Variants in FARS2 observed in about 807,000 individuals in gnomAD.
FARS2 encodes the protein phenylalanine--tRNA ligase, mitochondrial.
FARS2 carries 40 observed loss-of-function variants against 46.4 expected under a neutral mutation model. That is an observed-to-expected ratio of 0.86 (90% CI 0.67 to 1.12). FARS2 has a LOEUF of 1.12. Among genes scored for constraint, FARS2 ranks in the 50% most tolerant of loss-of-function variants. The pLI is 0.00. For synonymous variants in FARS2, 234 were observed against 214.9 expected, an observed-to-expected ratio of 1.09 and a Z score of -0.78; for missense variants, 513 against 567.9, an observed-to-expected ratio of 0.90 and a Z score of 0.98.
At chr6:5,344,133 C>T (rs1367553220) in intron 1 of FARS2, among the ~76,000 whole-genome samples, 1 of 152,168 alleles carries the variant, frequency 6.6e-6, no homozygotes, top group Non-Finnish European at 1.5e-5. Flanking sequence ...AGCAAGTGGC[C>T]TCCAGGTCCA....
At chr6:5,512,355 C>T (rs1337228937) in intron 4 of FARS2, among the ~76,000 whole-genome samples, 1 of 152,004 alleles carries the variant, frequency 6.6e-6, no homozygotes, top group East Asian at 1.9e-4. Flanking sequence ...CAATCAATAG[C>T]AGCCAAATTA....
At chr6:5,478,229 A>C (rs976098111) in intron 4 of FARS2, among the ~76,000 whole-genome samples, 2 of 152,234 alleles carry the variant, frequency 1.3e-5, no homozygotes, top group South Asian at 4.1e-4. Context: ...TAATTTCATT[A>C]GCCTAACCTG....
intron 1 of FARS2, among the ~76,000 whole-genome samples, chr6:5,316,430 C>T (rs915620365): frequency 3.3e-5 from 5 of 152,140 alleles, no homozygotes; most frequent in African/African-American, 1.2e-4. Flanking sequence ...TACTCCTGTA[C>T]AGTAAGGGAA....
chr6:5,316,717 G>A (rs534903001), intron 1 of FARS2, among the ~76,000 whole-genome samples: 1 of 152,338 alleles, frequency 6.6e-6, no homozygotes, highest in South Asian at 2.1e-4. Flanking sequence ...TTTACTTCCA[G>A]GAGTCTCACC....
At chr6:5,651,845 T>C (rs1407024633) in intron 6 of FARS2, among the ~76,000 whole-genome samples, 1 of 152,160 alleles carries the variant, frequency 6.6e-6, no homozygotes, top group Non-Finnish European at 1.5e-5. Flanking sequence ...CATAGCTGGT[T>C]AGTGGCAAAA....
intron 6 of FARS2, among the ~76,000 whole-genome samples, chr6:5,724,528 A>G (rs1283146889): frequency 6.6e-6 from 1 of 152,210 alleles, no homozygotes; most frequent in Non-Finnish European, 1.5e-5. Context: ...ACGCAAAAAG[A>G]AACCACCACT....
At chr6:5,360,992 T>G (rs1758262832) in intron 1 of FARS2, among the ~76,000 whole-genome samples, 1 of 152,202 alleles carries the variant, frequency 6.6e-6, no homozygotes, top group Admixed American at 6.5e-5. Context: ...ACAATGGTTT[T>G]AAAGTTTAAT....
At chr6:5,462,849 T>G (rs1157437168) in intron 4 of FARS2, among the ~76,000 whole-genome samples, 1 of 152,238 alleles carries the variant, frequency 6.6e-6, no homozygotes, top group Non-Finnish European at 1.5e-5. Flanking sequence ...CTGTTGGAAT[T>G]TTGATAGGAA....
At chr6:5,590,711 G>A (rs1561735756) in intron 5 of FARS2, among the ~76,000 whole-genome samples, 1 of 152,174 alleles carries the variant, frequency 6.6e-6, no homozygotes, top group Non-Finnish European at 1.5e-5. Flanking sequence ...ACATTGTACT[G>A]AAGCTGGCCA....
rs982485775 is a variant in FARS2 at position 5,368,880 on chromosome 6, C to T, written c.310C>T (p.Arg104Cys). 92 of 1,614,004 alleles carry T rather than the reference C, an allele frequency of 5.7e-5. No homozygotes were observed. The highest frequency in any genetic ancestry group is 1.7e-4 in the Admixed American group (10 of 60,002). ...GCACTTCTACAAGCAGTATGTGGGC[C>T]GCTTTGGGACCCCGTTGTTCTCGGT... Reference protein sequence around the residue: ...KEHFYKQYVGRFGTPLFSVYD... With the variant: ...KEHFYKQYVGCFGTPLFSVYD... The change falls in exon 2 of 7, where the codon CGC becomes TGC. Residue 104 changes from arginine to cysteine, a missense_variant. By Grantham distance (180) the Arg-to-Cys change is radical (BLOSUM62 -3). Transcript: ENST00000274680.
At chr6:5,748,855 A>G (rs539080387) in intron 6 of FARS2, among the ~76,000 whole-genome samples, 19 of 152,354 alleles carry the variant, frequency 1.2e-4, no homozygotes, top group Non-Finnish European at 1.9e-4. Context: ...CAACTGTAAA[A>G]GATTGGGTCT....
At chr6:5,692,107 A>C (rs1056190513) in intron 6 of FARS2, among the ~76,000 whole-genome samples, 1 of 152,190 alleles carries the variant, frequency 6.6e-6, no homozygotes, top group Admixed American at 6.5e-5. Flanking sequence ...TTGACTAGGA[A>C]AGGGAATTCC....
At chr6:5,554,373 T>A (rs1771535480) in intron 5 of FARS2, among the ~76,000 whole-genome samples, 1 of 152,156 alleles carries the variant, frequency 6.6e-6, no homozygotes, top group Non-Finnish European at 1.5e-5. Flanking sequence ...GAGGGACAGT[T>A]ACTATCAAAG....
chr6:5,651,936 GA>G (rs1777388500), intron 6 of FARS2, among the ~76,000 whole-genome samples: 1 of 152,136 alleles, frequency 6.6e-6, no homozygotes, highest in African/African-American at 2.4e-5. Context: ...AAACCAAGCT[GA>G]TGACAAGTTA....
intron 6 of FARS2, among the ~76,000 whole-genome samples, chr6:5,737,066 T>G (rs913949151): frequency 6.6e-6 from 1 of 152,168 alleles, no homozygotes; most frequent in Non-Finnish European, 1.5e-5. Context: ...GAAATCAGAC[T>G]TCACAGGTAC....
At chr6:5,668,934 G>A (rs1251740493) in intron 6 of FARS2, among the ~76,000 whole-genome samples, 1 of 151,888 alleles carries the variant, frequency 6.6e-6, no homozygotes, top group Non-Finnish European at 1.5e-5. Flanking sequence ...GACCTCAGGC[G>A]ATGGACCCGC....
At chr6:5,564,352 C>T (rs147478045) in intron 5 of FARS2, among the ~76,000 whole-genome samples, 228 of 152,284 alleles carry the variant, frequency 1.5e-3, no homozygotes, top group South Asian at 2.3e-3. Context: ...TTTCATTACC[C>T]GGCAGAATTT....
intron 6 of FARS2, among the ~76,000 whole-genome samples, chr6:5,732,418 A>G (rs143403588): frequency 1.1e-3 from 167 of 152,280 alleles, no homozygotes; most frequent in African/African-American, 3.9e-3. Flanking sequence ...CGTAGCAAGC[A>G]TGCAACACCT....
rs149437262 is a variant in FARS2 at position 5,447,057 on chromosome 6, C to T, written c.904+15885C>T. On this transcript the variant is annotated intron_variant, in intron 4 of 6. Coordinates refer to ENST00000274680, the MANE Select transcript of FARS2 (RefSeq NM_006567.5). ...ATCGAAGACCTTACATCTCATCCTTCTGGTAGTAGTGAGGCATTGAAATAT... is the reference window on the plus strand; with the variant it reads ...ATCGAAGACCTTACATCTCATCCTTTTGGTAGTAGTGAGGCATTGAAATAT... Among the ~76,000 whole-genome samples, 512 of 152,304 alleles carry T rather than the reference C, an allele frequency of 3.4e-3. 6 individuals are homozygous for T. Among genetic ancestry groups the T allele is most frequent in the African/African-American group, 0.012 (496 of 41,560 alleles).
Sources: allele counts gnomAD v4.1 joint callset (sites outside exome capture counted in the v4.1 genomes callset), GRCh38; gene constraint gnomAD v4.1.1; transcripts MANE v1.5; gene names NCBI Gene and HGNC (gene_info 2026-07-23, HGNC 2026-07-21).